The following SYT1 variants were observed in gnomAD, a reference collection of about 807,000 sequenced individuals.
SYT1 encodes the protein synaptotagmin-1.
In SYT1, 8 loss-of-function variants were observed where a neutral mutation model predicts 44.8. The ratio of observed to expected loss-of-function variants is 0.18; its 90% confidence interval spans 0.10 to 0.32. The LOEUF is 0.32. Ranked by LOEUF, SYT1 falls within the 10% of genes least tolerant of loss-of-function variation. The pLI, the probability that SYT1 is intolerant of heterozygous loss-of-function variation, is 1.00. For synonymous variants in SYT1, 154 were observed against 188.8 expected (o/e 0.82, Z 1.51); for missense variants, 286 against 509.3 (o/e 0.56, Z 4.22).
chr12:79,010,342 C>G (rs894034197), intron 2 of SYT1, among the ~76,000 whole-genome samples: 4 of 152,072 alleles, frequency 2.6e-5, no homozygotes, highest in Non-Finnish European at 5.9e-5. Context: ...ATCACATGCC[C>G]TTTTCTCACT....
At chr12:79,171,551 A>C (rs947124867) in intron 3 of SYT1, among the ~76,000 whole-genome samples, 1 of 152,010 alleles carries the variant, frequency 6.6e-6, no homozygotes, top group Admixed American at 6.6e-5. Flanking sequence ...GTGTATTATA[A>C]ATAAAAAAGT....
chr12:79,060,302 T>G (rs1263728307), intron 3 of SYT1, among the ~76,000 whole-genome samples: 1 of 151,964 alleles, frequency 6.6e-6, no homozygotes, highest in Admixed American at 6.6e-5. Flanking sequence ...TAGCCATTTT[T>G]TTAATTGTGG....
At chr12:79,292,439 C>A (rs1268568952) in intron 6 of SYT1, among the ~76,000 whole-genome samples, 1 of 152,232 alleles carries the variant, frequency 6.6e-6, no homozygotes, top group African/African-American at 2.4e-5. Flanking sequence ...CTCACCTTCT[C>A]AGCTTCCTCA....
chr12:79,119,545 C>T (rs977554070), intron 3 of SYT1, among the ~76,000 whole-genome samples: 1 of 151,820 alleles, frequency 6.6e-6, no homozygotes, highest in Non-Finnish European at 1.5e-5. Flanking sequence ...TTCACTTTTT[C>T]TATCTAACTC....
intron 3 of SYT1, among the ~76,000 whole-genome samples, chr12:79,073,071 T>C (rs1466891638): frequency 2.0e-5 from 3 of 152,140 alleles, no homozygotes; most frequent in Non-Finnish European, 2.9e-5. Flanking sequence ...ATAATATTTT[T>C]CATATGTCTG....
rs1239226536 is a variant in SYT1 at position 79,351,570 on chromosome 12, A to AT, written c.811-1928dup. On this transcript the variant is annotated intron_variant, in intron 8 of 10. Transcript: ENST00000261205. ...AAAAAGAGCCCTCCTCCTAACGAGC[A>AT]TTTTGAACAGCAATTTTGTTCATTT... is the stretch of plus-strand genomic sequence containing the variant. Among the ~76,000 whole-genome samples, 10 of 151,574 alleles carry AT rather than the reference A, an allele frequency of 6.6e-5. No individual in the cohort carries two copies. In the South Asian group the frequency reaches 2.1e-3, roughly 32 times the overall value.
At chr12:79,258,814 A>G (rs1027749398) in intron 4 of SYT1, among the ~76,000 whole-genome samples, 4 of 152,238 alleles carry the variant, frequency 2.6e-5, no homozygotes, top group Non-Finnish European at 5.9e-5. Flanking sequence ...GGGTAAATAA[A>G]TAATTTTTTA....
chr12:79,349,942 A>G (rs1015729558), intron 8 of SYT1, among the ~76,000 whole-genome samples: 1 of 152,196 alleles, frequency 6.6e-6, no homozygotes, highest in Non-Finnish European at 1.5e-5. Context: ...GAGATATAGT[A>G]AAAGCTTCAC....
At chr12:78,920,453 C>T (rs1389997122) in intron 1 of SYT1, among the ~76,000 whole-genome samples, 1 of 151,948 alleles carries the variant, frequency 6.6e-6, no homozygotes, top group East Asian at 1.9e-4. Context: ...ATTGGAATGG[C>T]TTTAACACAT....
At chr12:78,889,770 C>T (rs1036784125) in intron 1 of SYT1, among the ~76,000 whole-genome samples, 11 of 151,826 alleles carry the variant, frequency 7.2e-5, no homozygotes, top group Admixed American at 5.3e-4. Context: ...TAGCTAATTA[C>T]CCTTAGATTT....
At chr12:79,052,123 T>C (rs1441428690) in intron 3 of SYT1, among the ~76,000 whole-genome samples, 2 of 152,144 alleles carry the variant, frequency 1.3e-5, no homozygotes, top group African/African-American at 4.8e-5. Context: ...TTGGGCAGTA[T>C]GGCCATTTTC....
intron 3 of SYT1, among the ~76,000 whole-genome samples, chr12:79,101,107 A>G (rs1878420793): frequency 6.6e-6 from 1 of 152,196 alleles, no homozygotes; most frequent in Non-Finnish European, 1.5e-5. Flanking sequence ...GTTAGAATTC[A>G]GAAAAACTGT....
intron 3 of SYT1, among the ~76,000 whole-genome samples, chr12:79,052,834 A>G (rs533164197): frequency 1.3e-5 from 2 of 152,022 alleles, no homozygotes; most frequent in African/African-American, 2.4e-5. Flanking sequence ...TTAGAATGGC[A>G]ATCATTAAAA....
chr12:79,053,687 C>T (rs1217731434), intron 3 of SYT1, among the ~76,000 whole-genome samples: 1 of 149,806 alleles, frequency 6.7e-6, no homozygotes, highest in African/African-American at 2.4e-5. Context: ...AAATAAACAA[C>T]ACTTATTTTT....
chr12:79,175,142 A>G (rs974236238), intron 3 of SYT1, among the ~76,000 whole-genome samples: 6 of 152,016 alleles, frequency 3.9e-5, no homozygotes, highest in Non-Finnish European at 7.4e-5. Context: ...GTCCTCTATC[A>G]AAATTAATGC....
At chr12:79,134,920 T>C (rs1869083777) in intron 3 of SYT1, among the ~76,000 whole-genome samples, 2 of 152,046 alleles carry the variant, frequency 1.3e-5, no homozygotes, top group Non-Finnish European at 1.5e-5. Flanking sequence ...GCATGGTAAC[T>C]ATAGATAATA....
chr12:79,158,480 G>A (rs1233696508), intron 3 of SYT1, among the ~76,000 whole-genome samples: 3 of 152,078 alleles, frequency 2.0e-5, no homozygotes, highest in African/African-American at 7.2e-5. Flanking sequence ...TGTGGCCTTG[G>A]TCCTGAGAGG....
At chr12:79,002,996 T>G (rs970074016) in intron 2 of SYT1, among the ~76,000 whole-genome samples, 2 of 151,944 alleles carry the variant, frequency 1.3e-5, no homozygotes, top group African/African-American at 2.4e-5. Context: ...GACCCACCAC[T>G]GGAGTAGAAC....
intron 3 of SYT1, among the ~76,000 whole-genome samples, chr12:79,183,172 A>G (rs1290445425): frequency 6.6e-6 from 1 of 152,044 alleles, no homozygotes; most frequent in Non-Finnish European, 1.5e-5. Context: ...TTCCATCTGA[A>G]TGAATTAAAC....
Sources: allele counts gnomAD v4.1 joint callset (sites outside exome capture counted in the v4.1 genomes callset), GRCh38; gene constraint gnomAD v4.1.1; transcripts MANE v1.5; gene names NCBI Gene and HGNC (gene_info 2026-07-23, HGNC 2026-07-21).